ACP1: variants seen among roughly 807,000 people sequenced by gnomAD.
ACP1 encodes acid phosphatase 1, also known as low molecular weight phosphotyrosine protein phosphatase.
In ACP1, 23 loss-of-function variants were observed where a neutral mutation model predicts 23.4. The observed-to-expected ratio is 0.98, with a 90% confidence interval of 0.71 to 1.39. The LOEUF is 1.39. ACP1 is among the 40% of genes most tolerant of loss of function. The pLI, the probability that ACP1 is intolerant of heterozygous loss-of-function variation, is 0.00. For missense variants in ACP1, 180 were observed against 197.7 expected (o/e 0.91, Z 0.54); for synonymous variants, 72 against 67.2 (o/e 1.07, Z -0.35).
intron 3 of ACP1, chr2:272,803 G>A (rs1670082571): frequency 6.4e-6 from 1 of 157,096 alleles, no homozygotes; most frequent in African/African-American, 2.4e-5. Context: ...ATCAAATTCT[G>A]CAATTTCAAT....
Position 276,997 on chromosome 2 carries a change from G to A in ACP1, c.311G>A (p.Ser104Asn). The change falls in exon 5 of 6, where the codon AGT (serine) becomes AAT (asparagine). Residue 104 changes from serine to asparagine, a missense_variant. Ser to Asn is a conservative substitution (Grantham distance 46). Around this residue, in one of 3 missense-constraint regions of ACP1, gnomAD observed 13 missense variants for 33.0 expected, o/e 0.39. Coordinates refer to ENST00000272065, the MANE Select transcript of ACP1 (RefSeq NM_004300.4). ...TTTTACAGAGATTTGAATAGAAAAA[G>A]TAATCAAGTTAAAACCTGCAAAGCT... ...ESNLRDLNRK[S>N]NQVKTCKAKI... 3 of 1,601,706 alleles carry A rather than the reference G, an allele frequency of 1.9e-6. No individual in the cohort carries two copies. In the South Asian group the frequency reaches 3.4e-5, roughly 18 times the overall value.
At chr2:274,004 A>T (rs1402684507) in intron 3 of ACP1, among the ~76,000 whole-genome samples, 1 of 152,150 alleles carries the variant, frequency 6.6e-6, no homozygotes, top group South Asian at 2.1e-4. Context: ...TACCAAAAAA[A>T]TTTTAAAAAT....
chr2:273,766 C>T (rs1670104656), intron 3 of ACP1, among the ~76,000 whole-genome samples: 1 of 152,158 alleles, frequency 6.6e-6, no homozygotes, highest in African/African-American at 2.4e-5. Context: ...AATTATGTAA[C>T]AGTTACTAAG....
chr2:273,329 T>G (rs1468374790), intron 3 of ACP1, among the ~76,000 whole-genome samples: 1 of 152,216 alleles, frequency 6.6e-6, no homozygotes, highest in African/African-American at 2.4e-5. Flanking sequence ...AGGATTTAAA[T>G]AATTTTACAG....
rs1669815834 is a variant in ACP1, at chr2:265,098, C to T, written c.43+91C>T. 8 of 1,525,144 alleles carry T rather than the reference C, an allele frequency of 5.2e-6. No individual in the cohort carries two copies. In the South Asian group the frequency reaches 6.9e-5, roughly 13 times the overall value. 94.5% of individuals were successfully genotyped at this position (1,525,144 alleles called of 1,614,324 possible). On this transcript the variant is annotated intron_variant, in intron 1 of 5. Transcript: ENST00000272065. ...GTAGGTTGTGCCGCCGGCCTAGGAA[C>T]CATGAGGGGGAGGAGGCCAGGGACT...
At chr2:275,251 G>C (rs1670140829) in intron 4 of ACP1, 50 bp downstream of exon 4, 2 of 1,045,726 alleles carry the variant, frequency 1.9e-6, no homozygotes, top group Non-Finnish European at 2.8e-6. Context: ...GTTCAGCAGT[G>C]GGCCAAGTAA....
rs1445973412 is a variant in ACP1 at position 272,017 on chromosome 2, C to A, written c.118-20C>A. 4 of 1,588,572 alleles carry A rather than the reference C, an allele frequency of 2.5e-6. No homozygotes were observed. In the South Asian group the frequency reaches 4.5e-5, roughly 18 times the overall value. On this transcript the variant is annotated intron_variant, in intron 2 of 5. Coordinates refer to ENST00000272065, the MANE Select transcript of ACP1 (RefSeq NM_004300.4). ...AAATTGCAAAAAAAAAAAAAAAATT[C>A]CATGTTTCTTCCCCTGCAGTGGAGG... is the stretch of plus-strand genomic sequence containing the variant.
At chr2:274,396 A>C (rs1670118423) in intron 3 of ACP1, among the ~76,000 whole-genome samples, 1 of 152,152 alleles carries the variant, frequency 6.6e-6, no homozygotes, top group Non-Finnish European at 1.5e-5. Context: ...TTCACAAAAT[A>C]ATCTTTTCAT....
chr2:272,386 A>G (rs1670070934), intron 3 of ACP1: 1 of 1,520,616 alleles, frequency 6.6e-7, no homozygotes, highest in African/African-American at 1.4e-5. Flanking sequence ...AGACTTGTAT[A>G]TTAATGAATG....
chr2:276,202 A>T (rs1228364165), intron 4 of ACP1, among the ~76,000 whole-genome samples: 2 of 152,058 alleles, frequency 1.3e-5, no homozygotes, highest in African/African-American at 4.8e-5. Context: ...TTCGGCTCCT[A>T]TTTGCCCCTC....
At chr2:270,943 T>C (rs923324054) in intron 1 of ACP1, among the ~76,000 whole-genome samples, 1 of 152,158 alleles carries the variant, frequency 6.6e-6, no homozygotes, top group African/African-American at 2.4e-5. Flanking sequence ...GGAGTAATTC[T>C]AGGGAATTAT....
chr2:274,239 G>A (rs944268697), intron 3 of ACP1, among the ~76,000 whole-genome samples: 3 of 152,124 alleles, frequency 2.0e-5, no homozygotes, highest in Non-Finnish European at 4.4e-5. Context: ...GAGTGTTGAC[G>A]AAATACAGTC....
At chr2:266,385 G>C (rs2103069926) in intron 1 of ACP1, 1 of 152,320 alleles carries the variant, frequency 6.6e-6, no homozygotes, top group South Asian at 2.1e-4. Flanking sequence ...ACAGTAGTTT[G>C]GTTAAGGATG....
chr2:271,422 A>G (rs1030329619), intron 1 of ACP1, among the ~76,000 whole-genome samples: 1 of 152,046 alleles, frequency 6.6e-6, no homozygotes, highest in African/African-American at 2.4e-5. Context: ...GTTTTGGTAT[A>G]CTGGGTAGGG....
rs1025799506 is a variant in ACP1 at position 265,217 on chromosome 2, C to T, written c.43+210C>T. On this transcript the variant is annotated intron_variant, in intron 1 of 5. Coordinates refer to ENST00000272065, the MANE Select transcript of ACP1 (RefSeq NM_004300.4). ...CAGCCTGCCCGCTAAACCTGGGTCC[C>T]CTCGCGCCTGCCATATATCCGGGGC... 20 of 517,074 alleles carry T rather than the reference C, an allele frequency of 3.9e-5. No homozygotes were observed. The East Asian group carries it at 6.7e-4, about 17-fold the overall frequency. The allele number at this position is 517,074 out of a possible 1,614,324, so 32.0% of individuals were successfully genotyped here. A position where few individuals can be genotyped will look rare whatever the true frequency, so the allele number is the denominator to read the frequency against.
chr2:265,942 A>G (rs1287576305), intron 1 of ACP1, among the ~76,000 whole-genome samples: 1 of 152,218 alleles, frequency 6.6e-6, no homozygotes, highest in Non-Finnish European at 1.5e-5. Flanking sequence ...TTTTGCCTGG[A>G]AAGCCTTTTT....
intron 3 of ACP1, 118 bp downstream of exon 3, chr2:272,268 G>A (rs1251288768): frequency 1.2e-6 from 2 of 1,613,980 alleles, no homozygotes; most frequent in African/African-American, 2.7e-5. Flanking sequence ...AGCTGCCTAA[G>A]AAATCATGGC....
rs570551762 is a variant in ACP1, at chr2:277,418, T to C, written c.*114T>C. 42 of 887,884 alleles carry C rather than the reference T, an allele frequency of 4.7e-5. No homozygotes were observed. The East Asian group carries it at 9.7e-4, about 20-fold the overall frequency. The allele number at this position is 887,884 out of a possible 1,614,324, so 55.0% of individuals were successfully genotyped here. On this transcript the variant is annotated 3_prime_UTR_variant, in exon 6 of 6. Coordinates refer to ENST00000272065, the MANE Select transcript of ACP1 (RefSeq NM_004300.4). ...GCCCAAAGCCCAGCTCTTTGTTCAG[T>C]TGACTTACTGTTTCTTACCTTAAAA...
intron 4 of ACP1, among the ~76,000 whole-genome samples, chr2:275,768 T>C (rs1350211095): frequency 6.6e-6 from 1 of 152,202 alleles, no homozygotes; most frequent in Non-Finnish European, 1.5e-5. Context: ...CCCAGTCCCA[T>C]GTTCAAGGCG....
Sources: gnomAD v4.1 joint callset for allele counts (sites outside exome capture counted in the v4.1 genomes callset) on GRCh38, gnomAD v4.1.1 for gene constraint, gnomAD v4.1.1 regional missense constraint, MANE v1.5 for transcripts, NCBI Gene and HGNC (gene_info 2026-07-23, HGNC 2026-07-21) for gene names.